UGGT2: variants seen among roughly 807,000 people sequenced by gnomAD.
The protein encoded by UGGT2 is UDP-glucose:glycoprotein glucosyltransferase 2.
A neutral mutation model predicts 192.1 loss-of-function variants in UGGT2; 180 were observed. That is an observed-to-expected ratio of 0.94 (90% CI 0.83 to 1.06). The LOEUF (loss-of-function observed/expected upper bound fraction) is 1.06, where lower values mean the gene tolerates loss of function less well. UGGT2 is among the 50% of genes least tolerant of loss of function. UGGT2 has a pLI of 0.00. For missense variants in UGGT2, 1,849 were observed against 1,795.7 expected (o/e 1.03, Z -0.54); for synonymous variants, 580 against 591.0 (o/e 0.98, Z 0.27).
Position 96,007,385 on chromosome 13 carries a change from C to G in UGGT2, c.660+5922G>C, listed in dbSNP as rs141192298. On this transcript the variant is annotated intron_variant, in intron 5 of 38. Transcript: ENST00000376747. Reference sequence around the variant, plus strand: ...TAATTGAAAGCCATCCCTCAAAGATCTGGAACAAGACAAGAATGCCCCCTT... The same window carrying G: ...TAATTGAAAGCCATCCCTCAAAGATGTGGAACAAGACAAGAATGCCCCCTT... Among the ~76,000 whole-genome samples the G allele has an allele frequency of 3.3e-5, 5 of 152,218 alleles. No homozygotes were observed. The East Asian group carries it at 9.7e-4, about 29-fold the overall frequency.
chr13:95,824,079 C>CT (rs1885772763), intron 38 of UGGT2, among the ~76,000 whole-genome samples: 1 of 152,066 alleles, frequency 6.6e-6, no homozygotes, highest in South Asian at 2.1e-4. Context: ...AAATTCTTGA[C>CT]TAACAGTTAT....
intron 38 of UGGT2, among the ~76,000 whole-genome samples, chr13:95,828,775 T>C (rs1033986552): frequency 6.6e-6 from 1 of 152,190 alleles, no homozygotes; most frequent in Admixed American, 6.5e-5. Flanking sequence ...TCTGAAACTA[T>C]TCCAATTAAT....
intron 29 of UGGT2, chr13:95,877,065 G>A (rs964814890): frequency 1.3e-5 from 5 of 398,964 alleles, no homozygotes; most frequent in Non-Finnish European, 2.2e-5. Flanking sequence ...TGTATTTTTA[G>A]TACAGATGGG....
At chr13:96,027,624 G>A (rs1345100436) in intron 2 of UGGT2, among the ~76,000 whole-genome samples, 2 of 152,094 alleles carry the variant, frequency 1.3e-5, no homozygotes, top group South Asian at 2.1e-4. Context: ...CATAGTCAAA[G>A]GTCTTAAAAG....
Position 95,884,538 on chromosome 13 carries a change from C to A in UGGT2, c.3181G>T (p.Glu1061Ter). ...AGGTCACAGTTGCTGTGCACTGTTT[C>A]AACCAACCAGCCTTCTGGAGTAATC... ...NMITPEGWLV[E>*]TVHSNCDLDN... The change falls in exon 27 of 39, where the codon GAA (glutamate) becomes TAA (stop). Residue 1061 changes from glutamate to a stop codon, truncating the protein, a stop_gained. Coordinates refer to ENST00000376747, the MANE Select transcript of UGGT2 (RefSeq NM_020121.4). LOFTEE classifies it high-confidence loss of function. 6.2e-7 allele frequency: 1 copy of A among 1,613,824 alleles called. No homozygotes were observed. The highest frequency in any genetic ancestry group is 2.2e-5 in the East Asian group (1 of 44,830).
chr13:96,023,506 T>C, intron 3 of UGGT2, 123 bp downstream of exon 3: 1 of 922,960 alleles, frequency 1.1e-6, no homozygotes, highest in Non-Finnish European at 1.5e-6. Flanking sequence ...TAATCAATGA[T>C]AGGCTATGGA....
chr13:96,025,615 A>G lies in UGGT2; in HGVS notation c.242-1856T>C, dbSNP rs12585607. ...CAGGAGATTTCCTCTAGTCAGTTATAAAGTCTTTCAGCTCTGATCCAAGAG... is the reference window on the plus strand; with the variant it reads ...CAGGAGATTTCCTCTAGTCAGTTATGAAGTCTTTCAGCTCTGATCCAAGAG... On this transcript the variant is annotated intron_variant, in intron 2 of 38. Transcript: ENST00000376747. 9.7e-4 allele frequency among the ~76,000 whole-genome samples: 148 copies of G among 152,290 alleles called. 2 individuals carry two copies. In the East Asian group the frequency reaches 0.027, roughly 28 times the overall value.
intron 2 of UGGT2, among the ~76,000 whole-genome samples, chr13:96,031,319 T>G (rs1025065930): frequency 6.6e-5 from 10 of 151,720 alleles, no homozygotes; most frequent in East Asian, 1.9e-4. Flanking sequence ...TTAATTTTTT[T>G]GGGGGGGGAC....
chr13:95,973,709 C>T (rs1338330153), intron 10 of UGGT2, among the ~76,000 whole-genome samples: 17 of 152,174 alleles, frequency 1.1e-4, no homozygotes, highest in Admixed American at 9.8e-4. Context: ...GTATCCAGTA[C>T]GGTTGTCAAG....
At chr13:95,996,340 A>G (rs1193213199) in intron 6 of UGGT2, among the ~76,000 whole-genome samples, 2 of 152,134 alleles carry the variant, frequency 1.3e-5, no homozygotes, top group Non-Finnish European at 2.9e-5. Flanking sequence ...TGTCTCTACT[A>G]AAAATACAAA....
rs1451991427 is a variant in UGGT2, at chr13:95,828,360, C to CA, written c.4528+4566dup. Among the ~76,000 whole-genome samples, 9 of 152,126 alleles carry CA rather than the reference C, an allele frequency of 5.9e-5. No homozygotes were observed. In the South Asian group the frequency reaches 6.2e-4, roughly 11 times the overall value. ...GGAGACAGAGACACAAAAAACCCTT[C>CA]AAAAAATCAATGAATTCAGGAGCTG... On this transcript the variant is annotated intron_variant, in intron 38 of 38. Coordinates refer to ENST00000376747, the MANE Select transcript of UGGT2 (RefSeq NM_020121.4).
chr13:95,820,485 C>G (rs963752656), intron 38 of UGGT2, among the ~76,000 whole-genome samples: 1 of 152,040 alleles, frequency 6.6e-6, no homozygotes, highest in African/African-American at 2.4e-5. Context: ...AAAAATTGCA[C>G]AAAAGAGCTC....
intron 20 of UGGT2, among the ~76,000 whole-genome samples, chr13:95,907,016 G>A (rs1000975228): frequency 6.6e-6 from 1 of 152,230 alleles, no homozygotes; most frequent in African/African-American, 2.4e-5. Context: ...CCAAGGGAAG[G>A]TGTGACAGAC....
chr13:95,852,050 T>C (rs1466956757), intron 36 of UGGT2, among the ~76,000 whole-genome samples: 3 of 152,144 alleles, frequency 2.0e-5, no homozygotes, highest in African/African-American at 4.8e-5. Context: ...TAAACACATA[T>C]ATATTTGAAG....
intron 25 of UGGT2, 98 bp downstream of exon 25, chr13:95,890,764 G>T: frequency 1.2e-6 from 1 of 863,626 alleles, no homozygotes; most frequent in Non-Finnish European, 1.8e-6. Context: ...AAATGGTGAA[G>T]GATCAAGAGC....
chr13:95,891,743 A>C (rs1468899614), intron 24 of UGGT2, among the ~76,000 whole-genome samples: 2 of 152,126 alleles, frequency 1.3e-5, no homozygotes, highest in Non-Finnish European at 2.9e-5. Context: ...TACATATTAC[A>C]AAGGAAAAAG....
intron 17 of UGGT2, among the ~76,000 whole-genome samples, chr13:95,935,562 T>C (rs1352748826): frequency 2.0e-5 from 3 of 152,186 alleles, no homozygotes; most frequent in Non-Finnish European, 2.9e-5. Context: ...GCCTTTAAGA[T>C]TTTTACTTCA....
Position 96,023,154 on chromosome 13 carries a change from T to C in UGGT2, c.373-2A>G. The C allele has an allele frequency of 1.3e-6, 2 of 1,570,722 alleles. No homozygotes were observed. The highest frequency in any genetic ancestry group is 1.7e-6 in the Non-Finnish European group (2 of 1,157,504). ...TGGTGGTGGCTCATCAGCTGCAATC[T>C]AAGATTTCAAAGATTATATTTAGCT... On this transcript the variant is annotated splice_acceptor_variant, in intron 3 of 38. Coordinates refer to ENST00000376747, the MANE Select transcript of UGGT2 (RefSeq NM_020121.4). LOFTEE classifies it high-confidence loss of function.
At chr13:95,944,487 AC>A (rs1209411897) in intron 15 of UGGT2, among the ~76,000 whole-genome samples, 28 of 152,034 alleles carry the variant, frequency 1.8e-4, no homozygotes, top group African/African-American at 5.5e-4. Context: ...GTAATGATGT[AC>A]CCATCTCTGA....
Sources: allele counts gnomAD v4.1 joint callset (sites outside exome capture counted in the v4.1 genomes callset), GRCh38; gene constraint gnomAD v4.1.1; transcripts MANE v1.5; gene names NCBI Gene and HGNC (gene_info 2026-07-23, HGNC 2026-07-21).